The following AMPH variants were observed in gnomAD, a reference collection of about 807,000 sequenced individuals.
The protein encoded by AMPH is amphiphysin (Stiff-Mann syndrome with breast cancer 128kD autoantigen).
Under a neutral mutation model 99.1 loss-of-function variants are expected in AMPH, and 49 were observed. The ratio of observed to expected loss-of-function variants is 0.49; its 90% CI spans 0.39 to 0.63. The LOEUF (loss-of-function observed/expected upper bound fraction) is 0.63. Among genes scored for constraint, AMPH ranks in the 20% least tolerant of loss-of-function variants. AMPH has a pLI of 0.00. For missense variants in AMPH, 759 were observed against 863.4 expected, an observed-to-expected ratio of 0.88 and a Z score of 1.52; for synonymous variants, 314 against 317.3, an observed-to-expected ratio of 0.99 and a Z score of 0.11.
chr7:38,386,490 C>T (rs2128972190), intron 20 of AMPH, among the ~76,000 whole-genome samples: 1 of 152,254 alleles, frequency 6.6e-6, no homozygotes, highest in Non-Finnish European at 1.5e-5. Context: ...AGAATATTAG[C>T]CAACATCAAT....
intron 1 of AMPH, among the ~76,000 whole-genome samples, chr7:38,564,194 T>G (rs2129049786): frequency 6.6e-6 from 1 of 152,032 alleles, no homozygotes; most frequent in South Asian, 2.1e-4. Context: ...ATAACTAGGG[T>G]TTAGATGCTG....
At chr7:38,456,472 TC>T (rs1367269299) in intron 11 of AMPH, among the ~76,000 whole-genome samples, 1 of 152,154 alleles carries the variant, frequency 6.6e-6, no homozygotes, top group Non-Finnish European at 1.5e-5. Context: ...CCTGGAAATC[TC>T]CCAGCCCAGT....
At chr7:38,386,712 C>G (rs913926632) in intron 20 of AMPH, among the ~76,000 whole-genome samples, 1 of 151,976 alleles carries the variant, frequency 6.6e-6, no homozygotes, top group Non-Finnish European at 1.5e-5. Flanking sequence ...CTTGGTTATA[C>G]AATATATAAA....
chr7:38,529,148 C>A (rs1415984067), intron 2 of AMPH, among the ~76,000 whole-genome samples: 1 of 152,188 alleles, frequency 6.6e-6, no homozygotes, highest in African/African-American at 2.4e-5. Context: ...TCACTACACT[C>A]AAAAATCATG....
At chr7:38,627,387 C>CAAAAAAAAAAAAAAAAAAAAA (rs70977419) in intron 1 of AMPH, among the ~76,000 whole-genome samples, 41 of 116,788 alleles carry the variant, frequency 3.5e-4, no homozygotes, top group African/African-American at 6.3e-4. Flanking sequence ...ACTAAAAATA[C>CAAAAAAAAAAAAAAAAAAAAA]AAAAAAAAAA....
intron 9 of AMPH, among the ~76,000 whole-genome samples, chr7:38,464,383 C>A (rs1787571633): frequency 1.3e-5 from 2 of 152,092 alleles, no homozygotes; most frequent in African/African-American, 4.8e-5. Context: ...TTCTTTCAGG[C>A]AATATTCTTT....
chr7:38,435,493 A>G (rs1162899213), intron 12 of AMPH, among the ~76,000 whole-genome samples: 3 of 152,340 alleles, frequency 2.0e-5, no homozygotes, highest in Non-Finnish European at 2.9e-5. Context: ...TGGGGCTCCA[A>G]CCATATGCAA....
At chr7:38,431,274 TTA>T in intron 13 of AMPH, among the ~76,000 whole-genome samples, 1 of 152,200 alleles carries the variant, frequency 6.6e-6, no homozygotes. Flanking sequence ...TACTTTACAA[TTA>T]TCTTATTTAA....
chr7:38,571,402 TATA>T (rs1296315439), intron 1 of AMPH, among the ~76,000 whole-genome samples: 9 of 93,486 alleles, frequency 9.6e-5, no homozygotes, highest in East Asian at 2.6e-4. Flanking sequence ...ATTCTATATA[TATA>T]GAATATATAT....
chr7:38,606,635 C>T (rs1397446347), intron 1 of AMPH, among the ~76,000 whole-genome samples: 5 of 137,448 alleles, frequency 3.6e-5, no homozygotes, highest in Non-Finnish European at 7.6e-5. Flanking sequence ...TGCAGTAGTG[C>T]AATCTCAGCT....
Position 38,417,932 on chromosome 7 carries a change from G to A in AMPH, c.1291C>T (p.Pro431Ser), listed in dbSNP as rs1300102066. 1.9e-6 allele frequency: 3 copies of A among 1,614,126 alleles called. No homozygotes were observed. Among genetic ancestry groups the A allele is most frequent in the Non-Finnish European group, 1.7e-6 (2 of 1,179,984 alleles). ...ICNLAESEQA[P>S]PTEPKAEEPL... ...TCCTCTGCTTTTGGCTCTGTGGGTG[G>A]AGCCTGTTCAGATTCAGCCTTGGAG... The change falls in exon 17 of 21, where the codon CCA becomes TCA. Residue 431 changes from proline to serine, a missense_variant. Pro to Ser is a moderately conservative substitution (Grantham distance 74). Coordinates refer to ENST00000356264, the MANE Select transcript of AMPH (RefSeq NM_001635.4).
At chr7:38,486,886 G>A (rs1481601119) in intron 5 of AMPH, among the ~76,000 whole-genome samples, 6 of 151,948 alleles carry the variant, frequency 3.9e-5, no homozygotes, top group Admixed American at 1.3e-4. Flanking sequence ...ATCCTTTCAC[G>A]ATAAAATGCT....
intron 2 of AMPH, among the ~76,000 whole-genome samples, chr7:38,521,934 T>G (rs1490298022): frequency 6.6e-5 from 10 of 152,202 alleles, no homozygotes; most frequent in Admixed American, 5.9e-4. Flanking sequence ...TACTGAGATT[T>G]CCCTCAGTGG....
Position 38,426,977 on chromosome 7 carries a change from C to T in AMPH, c.1192G>A (p.Gly398Ser). ...ACCTGTGTGAATCCATTAAATGAAC[C>T]ACCAGAAGCCTAAACAGAAACGAAA... Reference protein sequence around the residue: ...STDLVQPASGGSFNGFTQPQD... With the variant: ...STDLVQPASGSSFNGFTQPQD... Residue 398 changes from glycine (G) to serine (S), a missense_variant, in exon 15 of 21, where the codon GGT becomes AGT. Gly to Ser is a moderately conservative substitution (Grantham distance 56). This residue lies in a region of AMPH where 554 missense variants were observed against 575.6 expected (regional missense o/e 0.96). Coordinates refer to ENST00000356264, the MANE Select transcript of AMPH (RefSeq NM_001635.4). 6.2e-7 allele frequency: 1 copy of T among 1,612,596 alleles called. No homozygotes were observed. The highest frequency in any genetic ancestry group is 8.5e-7 in the Non-Finnish European group (1 of 1,179,078).
chr7:38,461,371 G>A lies in AMPH; in HGVS notation c.929C>T (p.Thr310Ile), dbSNP rs1336249940. The change falls in exon 11 of 21, where the codon ACC becomes ATC. Residue 310 changes from threonine to isoleucine, a missense_variant. This residue lies in a region of AMPH where 554 missense variants were observed against 575.6 expected (regional missense o/e 0.96). Coordinates refer to ENST00000356264, the MANE Select transcript of AMPH (RefSeq NM_001635.4). ...CTCCTGCTGCAGTTCCTTTGTCGGG[G>A]TGACTTTAGGTAGAGGTGGGACAGG... ...GPPVPPLPKV[T>I]PTKELQQENI... 1 of 1,614,172 alleles carries A rather than the reference G, an allele frequency of 6.2e-7. No homozygotes were observed.
At position 38,457,499 on chromosome 7, in the gene AMPH, C is replaced by T. The variant is rs185877296; in HGVS notation, c.1017+3784G>A. On this transcript the variant is annotated intron_variant, in intron 11 of 20. Coordinates refer to ENST00000356264, the MANE Select transcript of AMPH (RefSeq NM_001635.4). ...ACTTTAAGACAGGTCTTTGAAATAA[C>T]CCAGTGAGACAAAAATAAATAAAAA... Among the ~76,000 whole-genome samples the T allele has an allele frequency of 1.4e-4, 22 of 152,226 alleles. 1 individual carries two copies. In the Middle Eastern group the frequency reaches 0.01, roughly 71 times the overall value.
At chr7:38,556,669 T>C (rs1046990629) in intron 1 of AMPH, among the ~76,000 whole-genome samples, 1 of 152,230 alleles carries the variant, frequency 6.6e-6, no homozygotes, top group Non-Finnish European at 1.5e-5. Context: ...TGCTCTGCTT[T>C]ATTTTTCATC....
chr7:38,428,917 T>C (rs971049259), intron 14 of AMPH: 6 of 955,910 alleles, frequency 6.3e-6, no homozygotes, highest in Non-Finnish European at 8.8e-6. Flanking sequence ...TCCACTTCAT[T>C]AATTTTTAAG....
chr7:38,534,914 T>C lies in AMPH; in HGVS notation c.150+17A>G, dbSNP rs779713294. The C allele has an allele frequency of 1.9e-6, 3 of 1,609,360 alleles. No individual in the cohort carries two copies. Among genetic ancestry groups the C allele is most frequent in the East Asian group, 2.2e-5 (1 of 44,824 alleles). ...TTAAACAATTTCCCACTCCAGAAAC[T>C]AAACAAATGGACTCACTTCTTGCCG... On this transcript the variant is annotated intron_variant, in intron 2 of 20. Coordinates refer to ENST00000356264, the MANE Select transcript of AMPH (RefSeq NM_001635.4).
Sources: gnomAD v4.1 joint callset for allele counts (sites outside exome capture counted in the v4.1 genomes callset) on GRCh38, gnomAD v4.1.1 for gene constraint, gnomAD v4.1.1 regional missense constraint, MANE v1.5 for transcripts, NCBI Gene and HGNC (gene_info 2026-07-23, HGNC 2026-07-21) for gene names.